Variants in LOC128462377 observed in about 807,000 individuals in gnomAD.
the LOC128462377 span, chr16:89,323,418 T>A: frequency 3.0e-3 from 2,808 of 926,724 alleles, 73 homozygotes; most frequent in African/African-American, 0.059. Context: ...GCAGGGGGGC[T>A]GAGCCGAGGG....
the LOC128462377 span, among the ~76,000 whole-genome samples, chr16:89,397,668 GT>G: frequency 1.6e-4 from 24 of 152,350 alleles, no homozygotes; most frequent in East Asian, 4.6e-3. Flanking sequence ...ACAGTTCCCA[GT>G]TTTACAGTGT....
the LOC128462377 span, among the ~76,000 whole-genome samples, chr16:89,327,926 CTAGTT>C: frequency 6.6e-6 from 1 of 152,146 alleles, no homozygotes; most frequent in Admixed American, 6.5e-5. Context: ...TTTGAAAGAC[CTAGTT>C]TAAAGAGTGA....
the LOC128462377 span, among the ~76,000 whole-genome samples, chr16:89,330,521 C>T: frequency 2.1e-4 from 32 of 152,098 alleles, no homozygotes; most frequent in African/African-American, 6.3e-4. Context: ...CGTGACGTGG[C>T]AGCGGGTTTC....
the LOC128462377 span, among the ~76,000 whole-genome samples, chr16:89,337,386 T>C: frequency 6.8e-6 from 1 of 146,724 alleles, no homozygotes; most frequent in Non-Finnish European, 1.5e-5. Flanking sequence ...TTTTTGTCAC[T>C]GTTAACCCTA....
the LOC128462377 span, chr16:89,343,690 G>T: frequency 6.6e-6 from 1 of 152,372 alleles, no homozygotes; most frequent in Non-Finnish European, 1.5e-5. Flanking sequence ...TACCTTCACA[G>T]ACCACGACTA....
At chr16:89,317,211 C>A in the LOC128462377 span, 1 of 715,714 alleles carries the variant, frequency 1.4e-6, no homozygotes, top group South Asian at 1.6e-5. Flanking sequence ...GGGCCCGGGC[C>A]AGGCCCAGGA....
At chr16:89,341,445 T>C in the LOC128462377 span, among the ~76,000 whole-genome samples, 12 of 152,202 alleles carry the variant, frequency 7.9e-5, no homozygotes, top group Non-Finnish European at 1.6e-4. Context: ...CTTCCCAGCC[T>C]TCCAGAAGGT....
chr16:89,334,144 T>TAAAAAA, the LOC128462377 span, among the ~76,000 whole-genome samples: 131 of 41,410 alleles, frequency 3.2e-3, 25 homozygotes, highest in African/African-American at 0.012. Flanking sequence ...CCCTGTGTTT[T>TAAAAAA]AAAAAAAAAA....
At chr16:89,404,614 G>A in the LOC128462377 span, among the ~76,000 whole-genome samples, 1 of 152,224 alleles carries the variant, frequency 6.6e-6, no homozygotes, top group Non-Finnish European at 1.5e-5. Flanking sequence ...CTAATGCCTA[G>A]GTCAGGAGAA....
At chr16:89,375,353 C>T in the LOC128462377 span, among the ~76,000 whole-genome samples, 1 of 152,226 alleles carries the variant, frequency 6.6e-6, no homozygotes, top group African/African-American at 2.4e-5. Flanking sequence ...ACTCAGAAGG[C>T]TGAGATAAAT....
At chr16:89,385,496 G>T in the LOC128462377 span, among the ~76,000 whole-genome samples, 1 of 152,042 alleles carries the variant, frequency 6.6e-6, no homozygotes, top group Non-Finnish European at 1.5e-5. Context: ...GCAGAGGGAA[G>T]GGCGCCAGAG....
At chr16:89,346,987 C>G in the LOC128462377 span, among the ~76,000 whole-genome samples, 1 of 152,204 alleles carries the variant, frequency 6.6e-6, no homozygotes, top group Non-Finnish European at 1.5e-5. Flanking sequence ...AAGGCGCGAA[C>G]TGTCTGCGAA....
chr16:89,378,625 G>C, the LOC128462377 span, among the ~76,000 whole-genome samples: 1 of 152,194 alleles, frequency 6.6e-6, no homozygotes, highest in African/African-American at 2.4e-5. Flanking sequence ...TGCTCAAGTA[G>C]CTTCTCTTGT....
At chr16:89,390,743 G>C in the LOC128462377 span, among the ~76,000 whole-genome samples, 1 of 152,194 alleles carries the variant, frequency 6.6e-6, no homozygotes. Flanking sequence ...AAAAACACCT[G>C]TGAAAATCTT....
chr16:89,398,762 T>A, the LOC128462377 span, among the ~76,000 whole-genome samples: 88 of 151,986 alleles, frequency 5.8e-4, 3 homozygotes, highest in Non-Finnish European at 4.6e-4. Context: ...AAAATCCCAA[T>A]ACACTGTTAG....
the LOC128462377 span, among the ~76,000 whole-genome samples, chr16:89,387,327 A>AGGGATAGG: frequency 5.1e-3 from 775 of 152,092 alleles, 5 homozygotes; most frequent in African/African-American, 0.018. Flanking sequence ...GGGACAGCAG[A>AGGGATAGG]GGGATAGTCA....
At chr16:89,416,150 T>A in the LOC128462377 span, among the ~76,000 whole-genome samples, 3 of 152,306 alleles carry the variant, frequency 2.0e-5, no homozygotes, top group East Asian at 3.9e-4. Context: ...AATGCCAACA[T>A]TTCCTATGTC....
the LOC128462377 span, among the ~76,000 whole-genome samples, chr16:89,332,399 AG>A: frequency 6.6e-6 from 1 of 152,220 alleles, no homozygotes; most frequent in Admixed American, 6.5e-5. Context: ...CAAGTCCCCG[AG>A]GACAGAGATG....
chr16:89,388,740 C>A, the LOC128462377 span, among the ~76,000 whole-genome samples: 1 of 152,164 alleles, frequency 6.6e-6, no homozygotes, highest in African/African-American at 2.4e-5. Context: ...CCCGGGCTCA[C>A]ACAGGTCTGG....
Sources: gnomAD v4.1 joint callset for allele counts (sites outside exome capture counted in the v4.1 genomes callset) on GRCh38, gnomAD v4.1.1 for gene constraint, MANE v1.5 for transcripts.